The following RBFOX1 variants were observed in gnomAD, a reference collection of about 807,000 sequenced individuals.
RBFOX1 encodes RNA binding protein fox-1 homolog 1.
In RBFOX1, 8 loss-of-function variants were observed where a neutral mutation model predicts 57.7. That is an observed-to-expected ratio of 0.14 (90% CI 0.08 to 0.25). The LOEUF is 0.25. RBFOX1 is among the 10% of genes least tolerant of loss of function. The probability of loss-of-function intolerance (pLI) is 1.00; values close to 1 mark genes in which losing one functional copy is unlikely to be tolerated. For synonymous variants in RBFOX1, 326 were observed against 222.4 expected (o/e 1.47, Z -4.15); for missense variants, 611 against 548.5 (o/e 1.11, Z -1.14).
At chr16:6,590,230 T>A (rs1340788975) in intron 2 of RBFOX1, among the ~76,000 whole-genome samples, 3 of 152,210 alleles carry the variant, frequency 2.0e-5, no homozygotes, top group Non-Finnish European at 2.9e-5. Flanking sequence ...TTTTCTTTGA[T>A]TCAGTTCGAT....
intron 2 of RBFOX1, among the ~76,000 whole-genome samples, chr16:6,496,346 T>G (rs1247964448): frequency 6.6e-6 from 1 of 152,228 alleles, no homozygotes; most frequent in Non-Finnish European, 1.5e-5. Flanking sequence ...AACTTTTTCC[T>G]TTTCATTTGA....
intron 4 of RBFOX1, among the ~76,000 whole-genome samples, chr16:5,919,195 G>C (rs564516331): frequency 6.6e-6 from 1 of 152,148 alleles, no homozygotes; most frequent in African/African-American, 2.4e-5. Flanking sequence ...GTGAAGGTCA[G>C]GCTGACCATA....
intron 4 of RBFOX1, among the ~76,000 whole-genome samples, chr16:7,207,675 C>G (rs768416743): frequency 6.6e-6 from 1 of 152,146 alleles, no homozygotes; most frequent in Admixed American, 6.5e-5. Flanking sequence ...AATGTTTTAT[C>G]TTTGTTTAAA....
chr16:6,625,405 C>A lies in RBFOX1; in HGVS notation c.-63-29198C>A, dbSNP rs183400167. Among the ~76,000 whole-genome samples the A allele has an allele frequency of 3.8e-3, 585 of 152,208 alleles. 8 individuals are homozygous for A. Among genetic ancestry groups the A allele is most frequent in the African/African-American group, 0.013 (537 of 41,538 alleles). On this transcript the variant is annotated intron_variant, in intron 2 of 15. Transcript: ENST00000550418. ...AATCAGTGAATGACTGCATAGATGG[C>A]ATGTATAGGTGTCAAGTAAAAATCG...
chr16:6,159,744 G>T (rs2096864248), intron 1 of RBFOX1, among the ~76,000 whole-genome samples: 1 of 152,182 alleles, frequency 6.6e-6, no homozygotes, highest in Admixed American at 6.5e-5. Context: ...TTTCCTTAAA[G>T]ATTTCGCAGG....
chr16:6,156,941 G>A (rs950523240), intron 1 of RBFOX1, among the ~76,000 whole-genome samples: 5 of 152,220 alleles, frequency 3.3e-5, no homozygotes, highest in South Asian at 4.2e-4. Flanking sequence ...CTGAGCTCAC[G>A]TGATCCTCCC....
chr16:6,193,346 T>A (rs1165787724), intron 1 of RBFOX1, among the ~76,000 whole-genome samples: 1 of 90,784 alleles, frequency 1.1e-5, no homozygotes, highest in African/African-American at 3.7e-5. Context: ...ATTCTTTACA[T>A]ATATATACAT....
intron 2 of RBFOX1, among the ~76,000 whole-genome samples, chr16:6,621,382 T>G (rs1171668785): frequency 6.6e-6 from 1 of 152,186 alleles, no homozygotes; most frequent in Non-Finnish European, 1.5e-5. Context: ...GAGAATGGCG[T>G]GAACCCGGGA....
At chr16:5,334,699 C>G (rs570217711) in intron 1 of RBFOX1, among the ~76,000 whole-genome samples, 2 of 151,960 alleles carry the variant, frequency 1.3e-5, no homozygotes, top group Non-Finnish European at 2.9e-5. Flanking sequence ...CGATTGTTCT[C>G]TTTACAATAT....
At chr16:6,618,099 C>T (rs1006844620) in intron 2 of RBFOX1, among the ~76,000 whole-genome samples, 2 of 152,032 alleles carry the variant, frequency 1.3e-5, no homozygotes, top group East Asian at 3.9e-4. Context: ...GAATCCCATC[C>T]CCTTTCTTCC....
At chr16:6,949,026 C>A (rs575713062) in intron 3 of RBFOX1, among the ~76,000 whole-genome samples, 1 of 152,044 alleles carries the variant, frequency 6.6e-6, no homozygotes, top group Admixed American at 6.6e-5. Flanking sequence ...AAAAGAAATT[C>A]GACTCTATGG....
At chr16:7,244,455 G>C (rs757058871) in intron 4 of RBFOX1, among the ~76,000 whole-genome samples, 8 of 152,098 alleles carry the variant, frequency 5.3e-5, no homozygotes, top group Non-Finnish European at 1.0e-4. Flanking sequence ...TTGAGATCAA[G>C]TTTGGCCATC....
At chr16:5,398,336 T>A (rs557556820) in intron 1 of RBFOX1, among the ~76,000 whole-genome samples, 86 of 152,138 alleles carry the variant, frequency 5.7e-4, no homozygotes, top group Admixed American at 3.9e-3. Flanking sequence ...TATGTGTTCA[T>A]GTGTGCAGGT....
intron 2 of RBFOX1, among the ~76,000 whole-genome samples, chr16:6,518,009 G>T (rs187050432): frequency 6.6e-6 from 1 of 152,252 alleles, no homozygotes; most frequent in African/African-American, 2.4e-5. Context: ...TGATGTTCTT[G>T]ATGCCTCATT....
intron 2 of RBFOX1, among the ~76,000 whole-genome samples, chr16:6,565,516 C>T (rs1205577866): frequency 1.3e-5 from 2 of 151,432 alleles, no homozygotes; most frequent in Non-Finnish European, 2.9e-5. Flanking sequence ...TTCGGCTTCC[C>T]AAAGTGCTCG....
At chr16:6,018,069 T>G (rs1469638279), upstream of RBFOX1, among the ~76,000 whole-genome samples, 1 of 152,144 alleles carries the variant, frequency 6.6e-6, no homozygotes, top group Non-Finnish European at 1.5e-5. Flanking sequence ...TTGCCAGCTA[T>G]GTGACCTTGA....
At chr16:5,478,263 A>T (rs1014825832) in intron 2 of RBFOX1, among the ~76,000 whole-genome samples, 1 of 151,684 alleles carries the variant, frequency 6.6e-6, no homozygotes, top group Admixed American at 6.6e-5. Context: ...TGATATTCAC[A>T]TTGTCCGATC....
intron 3 of RBFOX1, among the ~76,000 whole-genome samples, chr16:6,807,979 C>T (rs2087323075): frequency 6.9e-6 from 1 of 144,318 alleles, no homozygotes; most frequent in South Asian, 2.2e-4. Flanking sequence ...GCGTATTGTA[C>T]CCTGTATATA....
chr16:6,314,701 G>C (rs1463890847), intron 1 of RBFOX1, among the ~76,000 whole-genome samples: 1 of 152,174 alleles, frequency 6.6e-6, no homozygotes, highest in Non-Finnish European at 1.5e-5. Flanking sequence ...GACCATGGTA[G>C]CTATTATTTT....
Sources: allele counts gnomAD v4.1 joint callset (sites outside exome capture counted in the v4.1 genomes callset), GRCh38; gene constraint gnomAD v4.1.1; transcripts MANE v1.5; gene names NCBI Gene and HGNC (gene_info 2026-07-23, HGNC 2026-07-21).